MTMR12: variants seen among roughly 807,000 people sequenced by gnomAD.
The protein encoded by MTMR12 is myotubularin related protein 12.
A neutral mutation model predicts 96.7 loss-of-function variants in MTMR12; 33 were observed. That is an observed-to-expected ratio of 0.34 (90% CI 0.26 to 0.46). MTMR12 has a LOEUF of 0.46. MTMR12 is among the 20% of genes least tolerant of loss of function. MTMR12 has a pLI of 1.00. For synonymous variants in MTMR12, 298 were observed against 327.2 expected (o/e 0.91, Z 0.96); for missense variants, 721 against 896.1 (o/e 0.80, Z 2.49).
intron 1 of MTMR12, among the ~76,000 whole-genome samples, chr5:32,305,350 G>C (rs369833251): frequency 2.0e-5 from 3 of 152,072 alleles, no homozygotes; most frequent in African/African-American, 7.2e-5. Flanking sequence ...GCCTCCCAAA[G>C]TGATGAGACT....
chr5:32,276,283 T>C (rs1358099540), intron 2 of MTMR12, among the ~76,000 whole-genome samples: 2 of 152,236 alleles, frequency 1.3e-5, no homozygotes, highest in Non-Finnish European at 2.9e-5. Flanking sequence ...GGGTATGGAC[T>C]GAGAGGTAAA....
Position 32,255,723 on chromosome 5 carries a change from A to G in MTMR12, c.759T>C (p.Asn253=). 6.2e-7 allele frequency: 1 copy of G among 1,613,084 alleles called. No homozygotes were observed. Among genetic ancestry groups the G allele is most frequent in the East Asian group, 2.2e-5 (1 of 44,862 alleles). ...TGCCATGACCCTGAAAGCGCTGCAC[A>G]TTCTCTTCAGGAAGAGGGGTGGGGA... ...FVVPTPLPEE[N]VQRFQGHGIP... The change falls in exon 8 of 16, where the codon AAT becomes AAC. Residue 253 remains asparagine (N), a synonymous_variant. Transcript: ENST00000382142.
chr5:32,272,116 C>G (rs1015439830), intron 3 of MTMR12, among the ~76,000 whole-genome samples: 1 of 151,804 alleles, frequency 6.6e-6, no homozygotes, highest in African/African-American at 2.4e-5. Flanking sequence ...ACGGTGAAAC[C>G]CCATCTCTAC....
At chr5:32,261,459 C>T (rs529116745) in intron 7 of MTMR12, among the ~76,000 whole-genome samples, 11 of 152,122 alleles carry the variant, frequency 7.2e-5, no homozygotes, top group African/African-American at 1.4e-4. Flanking sequence ...ACTTCCTTTA[C>T]GACTATGCTT....
rs1199182777 is a variant in MTMR12, at chr5:32,233,289, A to G, written c.1674+484T>C. On this transcript the variant is annotated intron_variant, in intron 15 of 15. Transcript: ENST00000382142. The surrounding 1 kb of genome is among the most constrained non-coding windows in gnomAD (Gnocchi z 5.0). ...AGACTAAGGCTTCTTTTGTACTACA[A>G]CAGTAGAGGGGTAGTTGTGACAGAG... is the stretch of plus-strand genomic sequence containing the variant. Among the ~76,000 whole-genome samples the G allele has an allele frequency of 6.6e-6, 1 of 152,088 alleles. No individual in the cohort carries two copies. The highest frequency in any genetic ancestry group is 6.5e-5 in the Admixed American group (1 of 15,270).
chr5:32,253,958 C>T (rs1287317618), intron 8 of MTMR12, among the ~76,000 whole-genome samples: 2 of 152,214 alleles, frequency 1.3e-5, no homozygotes, highest in Non-Finnish European at 1.5e-5. Context: ...ATGCCTCAGG[C>T]TCCTCACTCG....
intron 1 of MTMR12, among the ~76,000 whole-genome samples, chr5:32,311,680 C>T (rs1321543243): frequency 6.6e-6 from 1 of 152,228 alleles, no homozygotes; most frequent in Non-Finnish European, 1.5e-5. Flanking sequence ...GCAAGGCCTA[C>T]AAGTTCTGAT....
chr5:32,246,169 A>T (rs745377530), intron 10 of MTMR12, among the ~76,000 whole-genome samples: 67 of 130,782 alleles, frequency 5.1e-4, no homozygotes, highest in South Asian at 7.0e-4. Flanking sequence ...TTGAGTAGAC[A>T]GTTTTTTTTT....
At chr5:32,282,116 C>T (rs1750320979) in intron 1 of MTMR12, among the ~76,000 whole-genome samples, 2 of 152,150 alleles carry the variant, frequency 1.3e-5, no homozygotes, top group African/African-American at 4.8e-5. Context: ...GGTGCGGTGG[C>T]TCATGCCTGT....
intron 15 of MTMR12, among the ~76,000 whole-genome samples, chr5:32,231,530 T>G (rs1340096163): frequency 1.3e-5 from 2 of 152,172 alleles, no homozygotes; most frequent in African/African-American, 2.4e-5. Context: ...TAAGAAGAGA[T>G]AACAACTTAA....
chr5:32,297,253 T>C (rs1750965697), intron 1 of MTMR12, among the ~76,000 whole-genome samples: 1 of 152,180 alleles, frequency 6.6e-6, no homozygotes, highest in Non-Finnish European at 1.5e-5. Flanking sequence ...ATTTTCATCA[T>C]CCCAAAAGGA....
At chr5:32,293,297 C>G (rs1750807876) in intron 1 of MTMR12, among the ~76,000 whole-genome samples, 1 of 152,060 alleles carries the variant, frequency 6.6e-6, no homozygotes, top group Admixed American at 6.6e-5. Flanking sequence ...AAAGGCAGAC[C>G]CATTCTTAAT....
intron 1 of MTMR12, among the ~76,000 whole-genome samples, chr5:32,302,068 C>G (rs771268493): frequency 2.4e-4 from 37 of 152,164 alleles, no homozygotes; most frequent in Non-Finnish European, 4.0e-4. Context: ...CCCTTGCCCC[C>G]ACTTATACAT....
At chr5:32,307,348 T>C (rs1751401725) in intron 1 of MTMR12, among the ~76,000 whole-genome samples, 1 of 151,928 alleles carries the variant, frequency 6.6e-6, no homozygotes, top group African/African-American at 2.4e-5. Context: ...ACCCAGCAGG[T>C]CCCCCGACAG....
chr5:32,268,567 A>T, intron 6 of MTMR12, 134 bp downstream of exon 6: 1 of 627,842 alleles, frequency 1.6e-6, no homozygotes, highest in Non-Finnish European at 2.8e-6. Flanking sequence ...GAATCACTCA[A>T]GCAAGGGGTG....
intron 3 of MTMR12, among the ~76,000 whole-genome samples, chr5:32,272,336 G>A (rs1284520954): frequency 2.0e-5 from 3 of 151,840 alleles, no homozygotes; most frequent in Non-Finnish European, 2.9e-5. Flanking sequence ...GAAATGCAGC[G>A]ACATTCCTAA....
At chr5:32,307,404 T>C (rs1236109213) in intron 1 of MTMR12, among the ~76,000 whole-genome samples, 1 of 151,714 alleles carries the variant, frequency 6.6e-6, no homozygotes, top group African/African-American at 2.4e-5. Flanking sequence ...TGGGCTGGGG[T>C]GGGGGTGCTG....
chr5:32,229,914 G>C lies in MTMR12; in HGVS notation c.2108C>G (p.Ser703Trp), dbSNP rs775448720. 1 of 1,613,100 alleles carries C rather than the reference G, an allele frequency of 6.2e-7. No homozygotes were observed. Among genetic ancestry groups the C allele is most frequent in the East Asian group, 2.2e-5 (1 of 44,862 alleles). The change falls in exon 16 of 16, where the codon TCG becomes TGG. Residue 703 changes from serine (S) to tryptophan (W), a missense_variant. Transcript: ENST00000382142. ...PCLLRNSARL[S>W]SLFPFALLQR... is the part of the protein sequence containing the mutation. Reference sequence around the variant, plus strand: ...GAGCAGAGCGAAAGGAAACAAAGACGAGAGGCGGGCAGAGTTCCTCAGCAG... The same window carrying C: ...GAGCAGAGCGAAAGGAAACAAAGACCAGAGGCGGGCAGAGTTCCTCAGCAG...
intron 6 of MTMR12, among the ~76,000 whole-genome samples, chr5:32,263,903 A>G (rs75724929): frequency 0.016 from 2,378 of 152,366 alleles, 31 homozygotes; most frequent in Non-Finnish European, 0.024. Flanking sequence ...AAATATTTTT[A>G]GCCCTGCCAA....
Sources: allele counts gnomAD v4.1 joint callset (sites outside exome capture counted in the v4.1 genomes callset), GRCh38; gene constraint gnomAD v4.1.1; non-coding constraint Gnocchi (gnomAD v3.1); transcripts MANE v1.5; gene names NCBI Gene and HGNC (gene_info 2026-07-23, HGNC 2026-07-21).